The following HMBOX1 variants were observed in gnomAD, a reference collection of about 807,000 sequenced individuals.
HMBOX1 encodes the protein homeobox-containing protein 1.
A neutral mutation model predicts 54.5 loss-of-function variants in HMBOX1; 14 were observed. That is an observed-to-expected ratio of 0.26 (90% confidence interval 0.17 to 0.40). The LOEUF (loss-of-function observed/expected upper bound fraction) is 0.40. Ranked by LOEUF, HMBOX1 falls within the 10% of genes least tolerant of loss-of-function variation. The probability of loss-of-function intolerance (pLI) is 1.00; values close to 1 mark genes in which losing one functional copy is unlikely to be tolerated. For missense variants in HMBOX1, 332 were observed against 514.4 expected (o/e 0.65, Z 3.43); for synonymous variants, 160 against 181.0 (o/e 0.88, Z 0.93).
intron 4 of HMBOX1, among the ~76,000 whole-genome samples, chr8:28,981,811 T>C (rs1829380675): frequency 6.6e-6 from 1 of 152,182 alleles, no homozygotes; most frequent in Non-Finnish European, 1.5e-5. Context: ...GGGTTAAACA[T>C]GATACATTAA....
rs71222583 is a variant in HMBOX1 at position 28,973,803 on chromosome 8, G to GTTTTTTTTTTTTTTTTTTT, written c.500+3297_500+3315dup. Among the ~76,000 whole-genome samples, 59 of 72,654 alleles carry GTTTTTTTTTTTTTTTTTTT rather than the reference G, an allele frequency of 8.1e-4. 10 individuals are homozygous for GTTTTTTTTTTTTTTTTTTT. Among genetic ancestry groups the GTTTTTTTTTTTTTTTTTTT allele is most frequent in the Admixed American group, 1.1e-3 (6 of 5,642 alleles). 47.7% of individuals were successfully genotyped at this position (72,654 alleles called of 152,430 possible). A position where few individuals can be genotyped will look rare whatever the true frequency, so the allele number is the denominator to read the frequency against. On this transcript the variant is annotated intron_variant, in intron 3 of 9. Transcript: ENST00000287701. ...TAATAATTTCGAGATACATAATGGA[G>GTTTTTTTTTTTTTTTTTTT]TTTTTTTTTTTTTTTTTTTTTTTTT...
At chr8:28,910,035 A>G (rs1465867963) in intron 1 of HMBOX1, among the ~76,000 whole-genome samples, 1 of 152,090 alleles carries the variant, frequency 6.6e-6, no homozygotes, top group East Asian at 1.9e-4. Context: ...ATGTTCTTTT[A>G]TACTTAATCC....
chr8:29,021,828 C>G (rs914879140), intron 6 of HMBOX1, among the ~76,000 whole-genome samples: 1 of 144,238 alleles, frequency 6.9e-6, no homozygotes, highest in South Asian at 2.2e-4. Context: ...CCACTGCACT[C>G]GAGCCTGGGT....
intron 4 of HMBOX1, among the ~76,000 whole-genome samples, chr8:28,990,969 A>G (rs1244174431): frequency 2.6e-5 from 4 of 152,102 alleles, no homozygotes; most frequent in Non-Finnish European, 1.5e-5. Flanking sequence ...TAGTCTTACA[A>G]TGTCCTTATA....
intron 1 of HMBOX1, among the ~76,000 whole-genome samples, chr8:28,904,484 G>C (rs542429588): frequency 6.6e-6 from 1 of 152,184 alleles, no homozygotes; most frequent in Non-Finnish European, 1.5e-5. Flanking sequence ...GCCCGCCTAG[G>C]CCTCCCCGAG....
intron 4 of HMBOX1, among the ~76,000 whole-genome samples, chr8:28,983,557 A>G (rs1454153189): frequency 6.6e-6 from 1 of 152,150 alleles, no homozygotes; most frequent in African/African-American, 2.4e-5. Context: ...TGTAGTACTC[A>G]TTTTAATTAT....
In HMBOX1 at chr8:28,970,316, G is replaced by A. The variant is rs148768782; in HGVS notation, c.297G>A (p.Pro99=). ...AGACGCAGCATTCGGGAATGTCCCCGTCACCTAGCAACAGTTATGATACTT... is the reference window on the plus strand; with the variant it reads ...AGACGCAGCATTCGGGAATGTCCCCATCACCTAGCAACAGTTATGATACTT... ...STQTQHSGMS[P]SPSNSYDTSP... Residue 99 remains proline, a synonymous_variant, in exon 3 of 10, where the codon CCG becomes CCA. Coordinates refer to ENST00000287701, the MANE Select transcript of HMBOX1 (RefSeq NM_001135726.3). This position sits in a 1 kb window ranked among gnomAD's most constrained non-coding sequence, Gnocchi z 4.3. The A allele has an allele frequency of 1.5e-5, 24 of 1,614,136 alleles. No individual in the cohort carries two copies. The highest frequency in any genetic ancestry group is 2.2e-5 in the South Asian group (2 of 91,070).
chr8:28,957,116 T>C (rs1478873196), intron 1 of HMBOX1, among the ~76,000 whole-genome samples: 2 of 152,166 alleles, frequency 1.3e-5, no homozygotes, highest in Non-Finnish European at 2.9e-5. Context: ...CATGCACCCA[T>C]GTGTTCATTG....
rs1806578247 is a variant in HMBOX1 at position 29,052,984 on chromosome 8, AGACT to A, written c.*1832_*1835del. 1 of 152,366 alleles carries A rather than the reference AGACT, an allele frequency of 6.6e-6. No homozygotes were observed. Among genetic ancestry groups the A allele is most frequent in the Non-Finnish European group, 1.5e-5 (1 of 68,044 alleles). 9.4% of individuals were successfully genotyped at this position (152,366 alleles called of 1,614,324 possible). A position where few individuals can be genotyped will look rare whatever the true frequency, so the allele number is the denominator to read the frequency against. The stretch of plus-strand genomic sequence containing the variant: ...TTCAACTTAAAACTGTGAGAGAGAG[AGACT>A]GAATGACCTTCCTCAGTTTTCCCTT... On this transcript the variant is annotated 3_prime_UTR_variant, in exon 10 of 10. Coordinates refer to ENST00000287701, the MANE Select transcript of HMBOX1 (RefSeq NM_001135726.3).
intron 1 of HMBOX1, among the ~76,000 whole-genome samples, chr8:28,897,731 A>G (rs186557084): frequency 1.5e-4 from 23 of 152,316 alleles, no homozygotes; most frequent in African/African-American, 5.1e-4. Flanking sequence ...CTTACATGGT[A>G]TGTTTGTTGC....
intron 6 of HMBOX1, among the ~76,000 whole-genome samples, chr8:29,042,998 G>C (rs1327291619): frequency 6.6e-6 from 1 of 152,196 alleles, no homozygotes; most frequent in Non-Finnish European, 1.5e-5. Context: ...AGAATTCCAA[G>C]GGTTAAGCCT....
intron 4 of HMBOX1, among the ~76,000 whole-genome samples, chr8:28,986,292 CCA>C (rs1830152905): frequency 6.6e-6 from 1 of 152,142 alleles, no homozygotes; most frequent in African/African-American, 2.4e-5. Context: ...TCTGGATGTA[CCA>C]CAGTTTCTCT....
chr8:28,960,282 G>T (rs1348161367), intron 1 of HMBOX1, among the ~76,000 whole-genome samples: 1 of 151,796 alleles, frequency 6.6e-6, no homozygotes, highest in African/African-American at 2.4e-5. Context: ...TTGTCACAGT[G>T]TATTGTTATG....
intron 4 of HMBOX1, among the ~76,000 whole-genome samples, chr8:29,002,405 C>CATTT (rs1832791483): frequency 6.6e-6 from 1 of 152,162 alleles, no homozygotes; most frequent in South Asian, 2.1e-4. Flanking sequence ...ATTTGTGCCA[C>CATTT]ATTTGTTGGT....
chr8:29,015,373 C>A (rs1002048232), intron 5 of HMBOX1, among the ~76,000 whole-genome samples: 1 of 152,158 alleles, frequency 6.6e-6, no homozygotes, highest in Non-Finnish European at 1.5e-5. Flanking sequence ...CAAGGGTCAG[C>A]CCCTGGACAA....
intron 3 of HMBOX1, among the ~76,000 whole-genome samples, chr8:28,972,532 C>T (rs1245404503): frequency 6.6e-6 from 1 of 152,104 alleles, no homozygotes. Flanking sequence ...AAAGTTACTT[C>T]GCTCATTGAA....
chr8:29,042,655 G>T (rs1805011486), intron 6 of HMBOX1: 1 of 456,134 alleles, frequency 2.2e-6, no homozygotes, highest in African/African-American at 2.0e-5. Flanking sequence ...TTGGTCCCCT[G>T]AGAGAAGGAT....
intron 1 of HMBOX1, among the ~76,000 whole-genome samples, chr8:28,907,920 A>G (rs1376901747): frequency 6.6e-6 from 1 of 150,682 alleles, no homozygotes; most frequent in African/African-American, 2.4e-5. Context: ...ATCTTGGTGC[A>G]CTGCAACCTC....
rs1800754169 is a variant in HMBOX1 at position 29,018,967 on chromosome 8, C to A, written c.851+54C>A. 4 of 1,543,058 alleles carry A rather than the reference C, an allele frequency of 2.6e-6. No individual in the cohort carries two copies. In the African/African-American group the frequency reaches 5.4e-5, roughly 21 times the overall value. On this transcript the variant is annotated intron_variant, in intron 6 of 9. Transcript: ENST00000287701. ...CTCCCAAACTTAGGGAAGACATCAA[C>A]TCTGGATAGACTGGGACAGTTTTCA... is the stretch of plus-strand genomic sequence containing the variant.
Sources: allele counts gnomAD v4.1 joint callset (sites outside exome capture counted in the v4.1 genomes callset), GRCh38; gene constraint gnomAD v4.1.1; non-coding constraint Gnocchi (gnomAD v3.1); transcripts MANE v1.5; gene names NCBI Gene and HGNC (gene_info 2026-07-23, HGNC 2026-07-21).